ANXA8: variants seen among roughly 807,000 people sequenced by gnomAD.
The protein encoded by ANXA8 is VAC-beta.
A neutral mutation model predicts 26.8 loss-of-function variants in ANXA8; 9 were observed. That is an observed-to-expected ratio of 0.34 (90% CI 0.20 to 0.59). The LOEUF (loss-of-function observed/expected upper bound fraction) is 0.59. Among genes scored for constraint, ANXA8 ranks in the 20% least tolerant of loss-of-function variants. The pLI, the probability that ANXA8 is intolerant of heterozygous loss-of-function variation, is 0.84. For missense variants in ANXA8, 83 were observed against 238.5 expected (o/e 0.35, Z 4.29); for synonymous variants, 39 against 94.8 (o/e 0.41, Z 3.42).
At chr10:47,609,326 C>T in the ANXA8 span, among the ~76,000 whole-genome samples, 1 of 144,718 alleles carries the variant, frequency 6.9e-6, no homozygotes, top group Non-Finnish European at 1.5e-5. Flanking sequence ...AAAGATGTTT[C>T]CAGAAAAAGA....
At chr10:47,726,669 A>G in the ANXA8 span, among the ~76,000 whole-genome samples, 15 of 152,164 alleles carry the variant, frequency 9.9e-5, no homozygotes, top group Admixed American at 3.3e-4. Context: ...GCTCTTGGGG[A>G]AAAAAAAACC....
chr10:47,595,819 T>A, the ANXA8 span, among the ~76,000 whole-genome samples: 89 of 148,424 alleles, frequency 6.0e-4, no homozygotes, highest in East Asian at 0.016. Flanking sequence ...AACTGGGAAC[T>A]TCAACACTCC....
At chr10:47,703,728 C>G in the ANXA8 span, among the ~76,000 whole-genome samples, 1 of 150,620 alleles carries the variant, frequency 6.6e-6, no homozygotes, top group East Asian at 2.0e-4. Context: ...AGTATCTCCC[C>G]AGGATACCAG....
chr10:47,738,691 C>T, the ANXA8 span, among the ~76,000 whole-genome samples: 1 of 152,044 alleles, frequency 6.6e-6, no homozygotes, highest in Non-Finnish European at 1.5e-5. Context: ...ATCCTCCCAC[C>T]TCAGCCTCCT....
At chr10:47,632,239 A>G in the ANXA8 span, among the ~76,000 whole-genome samples, 1 of 150,568 alleles carries the variant, frequency 6.6e-6, no homozygotes, top group East Asian at 1.9e-4. Context: ...GAAAAATAAT[A>G]GAATTAAAAA....
the ANXA8 span, among the ~76,000 whole-genome samples, chr10:47,768,135 G>A: frequency 1.3e-5 from 2 of 151,170 alleles, no homozygotes; most frequent in Admixed American, 6.6e-5. Flanking sequence ...TGGGCACTCA[G>A]CTGTCCTAAA....
At chr10:47,932,780 G>A in the ANXA8 span, among the ~76,000 whole-genome samples, 2 of 81,464 alleles carry the variant, frequency 2.5e-5, no homozygotes, top group Non-Finnish European at 4.6e-5. Flanking sequence ...GATACATCAG[G>A]GAGATGTCCA....
At chr10:47,560,171 T>C in the ANXA8 span, among the ~76,000 whole-genome samples, 23 of 151,866 alleles carry the variant, frequency 1.5e-4, no homozygotes, top group Non-Finnish European at 2.8e-4. Context: ...CATCTATTTC[T>C]AGAATATTAG....
the ANXA8 span, among the ~76,000 whole-genome samples, chr10:47,902,119 C>T: frequency 1.3e-5 from 2 of 151,758 alleles, no homozygotes; most frequent in South Asian, 2.1e-4. Flanking sequence ...CTTTTATTAG[C>T]CAACTTGGTA....
chr10:47,488,938 A>T (rs1332335913), upstream of ANXA8, among the ~76,000 whole-genome samples: 2 of 146,520 alleles, frequency 1.4e-5, no homozygotes, highest in Non-Finnish European at 3.0e-5. Flanking sequence ...CGTGGTCTGG[A>T]TCTCCTGACC....
chr10:47,977,559 A>G, the ANXA8 span, among the ~76,000 whole-genome samples: 1 of 151,676 alleles, frequency 6.6e-6, no homozygotes, highest in African/African-American at 2.4e-5. Flanking sequence ...AACATGTTTA[A>G]AGAATGTTAA....
chr10:47,565,656 G>T, the ANXA8 span: 3 of 371,998 alleles, frequency 8.1e-6, no homozygotes, highest in Non-Finnish European at 1.4e-5. Context: ...GCCGGGCCCT[G>T]GCCAGCCGGC....
At chr10:47,973,388 A>G in the ANXA8 span, 1 of 144,876 alleles carries the variant, frequency 6.9e-6, no homozygotes, top group East Asian at 2.0e-4. Context: ...ATGGAAACCT[A>G]TAATCTAATT....
At chr10:47,507,082 T>TC in the ANXA8 span, among the ~76,000 whole-genome samples, 6 of 135,800 alleles carry the variant, frequency 4.4e-5, no homozygotes, top group Non-Finnish European at 9.5e-5. Flanking sequence ...AAGTTTTTTT[T>TC]CAATGAAAAA....
At chr10:47,955,503 A>G in the ANXA8 span, among the ~76,000 whole-genome samples, 7 of 150,126 alleles carry the variant, frequency 4.7e-5, no homozygotes, top group South Asian at 4.2e-4. Flanking sequence ...TAGGCTACCA[A>G]TCTGTGCAGC....
chr10:47,719,777 A>AT, the ANXA8 span: 21 of 626,648 alleles, frequency 3.4e-5, no homozygotes, highest in Non-Finnish European at 5.4e-5. Flanking sequence ...ATGTTTGTAA[A>AT]TTAAAGTTAT....
At chr10:47,552,395 G>T in the ANXA8 span, among the ~76,000 whole-genome samples, 5 of 151,590 alleles carry the variant, frequency 3.3e-5, no homozygotes, top group Non-Finnish European at 7.4e-5. Flanking sequence ...CCTAGACATC[G>T]ACTGGACTAA....
chr10:47,614,505 TCTG>T, the ANXA8 span, among the ~76,000 whole-genome samples: 1 of 66,732 alleles, frequency 1.5e-5, no homozygotes, highest in Admixed American at 1.7e-4. Flanking sequence ...ATAGGCCTTT[TCTG>T]CTATATAGAA....
chr10:47,649,901 T>A, the ANXA8 span, among the ~76,000 whole-genome samples: 1 of 148,988 alleles, frequency 6.7e-6, no homozygotes, highest in African/African-American at 2.5e-5. Context: ...CAGTAAGTTT[T>A]GTATTTTTTG....
Sources: allele counts gnomAD v4.1 joint callset (sites outside exome capture counted in the v4.1 genomes callset), GRCh38; gene constraint gnomAD v4.1.1; transcripts MANE v1.5; gene names NCBI Gene and HGNC (gene_info 2026-07-23, HGNC 2026-07-21).